The following AGBL4 variants were observed in gnomAD, a reference collection of about 807,000 sequenced individuals.
AGBL4 encodes the protein cytosolic carboxypeptidase 6.
A neutral mutation model predicts 66.4 loss-of-function variants in AGBL4; 58 were observed. The observed-to-expected ratio is 0.87, with a 90% confidence interval of 0.71 to 1.09. The LOEUF (loss-of-function observed/expected upper bound fraction) is 1.09. Ranked by LOEUF, AGBL4 falls within the 50% of genes least tolerant of loss-of-function variation. The pLI is 0.00. For missense variants in AGBL4, 579 were observed against 631.0 expected (o/e 0.92, Z 0.88); for synonymous variants, 234 against 222.9 (o/e 1.05, Z -0.44).
At chr1:49,047,788 A>G (rs1286964367) in intron 4 of AGBL4, among the ~76,000 whole-genome samples, 1 of 152,126 alleles carries the variant, frequency 6.6e-6, no homozygotes, top group Non-Finnish European at 1.5e-5. Context: ...AACAAGGGGT[A>G]AAGGAAGAAG....
intron 6 of AGBL4, among the ~76,000 whole-genome samples, chr1:48,716,585 C>T (rs146055252): frequency 2.6e-5 from 4 of 152,126 alleles, no homozygotes; most frequent in Admixed American, 1.3e-4. Flanking sequence ...TGTCATTCAT[C>T]GTGCCCATGG....
chr1:49,124,007 A>T (rs1029817630), intron 4 of AGBL4, among the ~76,000 whole-genome samples: 2 of 152,210 alleles, frequency 1.3e-5, no homozygotes, highest in Non-Finnish European at 2.9e-5. Context: ...AAGATAGAAG[A>T]TTCAACATGT....
chr1:48,642,318 C>T (rs531999363), intron 8 of AGBL4, among the ~76,000 whole-genome samples: 1 of 152,286 alleles, frequency 6.6e-6, no homozygotes, highest in African/African-American at 2.4e-5. Context: ...GCTCAGATCA[C>T]ATCTGGAAAA....
intron 1 of AGBL4, among the ~76,000 whole-genome samples, chr1:49,892,058 T>C (rs763876201): frequency 3.7e-4 from 56 of 152,266 alleles, no homozygotes; most frequent in Non-Finnish European, 5.7e-4. Flanking sequence ...CAGAGCATGA[T>C]GGCCAAATAA....
At chr1:49,387,207 G>A (rs766453712) in intron 3 of AGBL4, among the ~76,000 whole-genome samples, 4 of 151,748 alleles carry the variant, frequency 2.6e-5, no homozygotes, top group Non-Finnish European at 5.9e-5. Context: ...AATCTTCAGG[G>A]TTCCTTTCAC....
chr1:48,606,858 G>A (rs1645161450), intron 9 of AGBL4, among the ~76,000 whole-genome samples: 1 of 152,152 alleles, frequency 6.6e-6, no homozygotes, highest in South Asian at 2.1e-4. Flanking sequence ...ATACACCCTG[G>A]AAACTATATG....
chr1:49,447,976 G>A (rs1203563132), intron 3 of AGBL4, among the ~76,000 whole-genome samples: 1 of 152,064 alleles, frequency 6.6e-6, no homozygotes, highest in African/African-American at 2.4e-5. Flanking sequence ...TAGCTCCTGA[G>A]TGTCATTCCA....
intron 4 of AGBL4, among the ~76,000 whole-genome samples, chr1:49,135,135 GC>G (rs1249924486): frequency 6.6e-6 from 1 of 151,910 alleles, no homozygotes; most frequent in Non-Finnish European, 1.5e-5. Context: ...GTCCTGCCTG[GC>G]TCGCAGGCAG....
intron 1 of AGBL4, among the ~76,000 whole-genome samples, chr1:49,871,782 T>G (rs1402877322): frequency 2.6e-5 from 4 of 152,170 alleles, no homozygotes; most frequent in Non-Finnish European, 2.9e-5. Flanking sequence ...ATGGTTATGA[T>G]GTAAAATTGT....
chr1:49,096,270 A>G (rs1272310466), intron 4 of AGBL4, among the ~76,000 whole-genome samples: 33 of 152,144 alleles, frequency 2.2e-4, no homozygotes, highest in Non-Finnish European at 4.0e-4. Context: ...CCATTGTGGA[A>G]GTCAGTGTGG....
At chr1:49,962,562 T>C (rs1271790646) in intron 1 of AGBL4, among the ~76,000 whole-genome samples, 1 of 152,140 alleles carries the variant, frequency 6.6e-6, no homozygotes, top group African/African-American at 2.4e-5. Context: ...TGAAATCTCA[T>C]GTAATAAAAC....
intron 3 of AGBL4, among the ~76,000 whole-genome samples, chr1:49,280,508 C>A (rs1644253698): frequency 6.6e-6 from 1 of 152,092 alleles, no homozygotes; most frequent in Non-Finnish European, 1.5e-5. Context: ...AGAAATAAAC[C>A]AGAGGACTGA....
At chr1:49,070,400 C>T (rs193274688) in intron 4 of AGBL4, among the ~76,000 whole-genome samples, 2 of 151,976 alleles carry the variant, frequency 1.3e-5, no homozygotes, top group Non-Finnish European at 2.9e-5. Context: ...TTTTGAGATG[C>T]ATTCCATCAA....
chr1:48,669,048 G>A (rs185887475), intron 6 of AGBL4, among the ~76,000 whole-genome samples: 2 of 152,226 alleles, frequency 1.3e-5, no homozygotes, highest in African/African-American at 4.8e-5. Context: ...GGAGGACCGT[G>A]TTCCCTGTGT....
At chr1:49,147,412 TGAGA>T (rs375695478) in intron 4 of AGBL4, among the ~76,000 whole-genome samples, 1 of 151,870 alleles carries the variant, frequency 6.6e-6, no homozygotes, top group African/African-American at 2.4e-5. Flanking sequence ...CATGTCAGCT[TGAGA>T]GAGAGAGAGA....
intron 2 of AGBL4, among the ~76,000 whole-genome samples, chr1:49,772,834 G>T (rs778812098): frequency 1.3e-5 from 2 of 151,998 alleles, no homozygotes; most frequent in Non-Finnish European, 2.9e-5. Context: ...TTTTTTTATT[G>T]ATTCTTACTA....
At chr1:49,500,858 C>T (rs1014975538) in intron 3 of AGBL4, among the ~76,000 whole-genome samples, 3 of 79,924 alleles carry the variant, frequency 3.8e-5, no homozygotes, top group East Asian at 4.2e-4. Context: ...TTTGGAAAAG[C>T]GGGCTGTTTT....
chr1:49,975,527 T>C (rs1658484973), intron 1 of AGBL4, among the ~76,000 whole-genome samples: 1 of 152,116 alleles, frequency 6.6e-6, no homozygotes, highest in Admixed American at 6.6e-5. Flanking sequence ...GTTCTACCTA[T>C]CTAAAATTTT....
intron 7 of AGBL4, among the ~76,000 whole-genome samples, chr1:48,662,851 T>C (rs529292796): frequency 6.6e-6 from 1 of 152,178 alleles, no homozygotes; most frequent in African/African-American, 2.4e-5. Flanking sequence ...AGCTAGGGAG[T>C]GTAGATGATT....
Sources: allele counts gnomAD v4.1 joint callset (sites outside exome capture counted in the v4.1 genomes callset), GRCh38; gene constraint gnomAD v4.1.1; transcripts MANE v1.5; gene names NCBI Gene and HGNC (gene_info 2026-07-23, HGNC 2026-07-21).